The following VTCN1 variants were observed in gnomAD, a reference collection of about 807,000 sequenced individuals.
VTCN1 encodes the protein V-set domain containing T cell activation inhibitor 1.
VTCN1 carries 26 observed loss-of-function variants against 26.5 expected under a neutral mutation model. That is an observed-to-expected ratio of 0.98 (90% CI 0.72 to 1.36). VTCN1 has a LOEUF of 1.36. VTCN1 is among the 40% of genes most tolerant of loss of function. The pLI is 0.00. For missense variants in VTCN1, 298 were observed against 337.7 expected (o/e 0.88, Z 0.92); for synonymous variants, 116 against 130.7 (o/e 0.89, Z 0.77).
intron 4 of VTCN1, among the ~76,000 whole-genome samples, chr1:117,151,447 C>T (rs1342557552): frequency 1.3e-5 from 2 of 152,186 alleles, no homozygotes; most frequent in African/African-American, 4.8e-5. Flanking sequence ...AAACCCTGCA[C>T]ATCACAGACA....
Position 117,167,516 on chromosome 1 carries a change from CT to C in VTCN1, c.97+2590del, listed in dbSNP as rs2101508496. 6.6e-6 allele frequency among the ~76,000 whole-genome samples: 1 copy of C among 152,314 alleles called. No homozygotes were observed. The highest frequency in any genetic ancestry group is 2.1e-4 in the South Asian group (1 of 4,830). On this transcript the variant is annotated intron_variant, in intron 2 of 5. Coordinates refer to ENST00000369458, the MANE Select transcript of VTCN1 (RefSeq NM_024626.4). The surrounding 1 kb of genome is among the most constrained non-coding windows in gnomAD (Gnocchi z 4.1). ...ATTATGTTTTGCATATGAAAATGTA[CT>C]CAGTCTCTGTCACCAGGAAACAGAA... is the stretch of plus-strand genomic sequence containing the variant.
At chr1:117,194,834 C>A (rs1173657285) in intron 1 of VTCN1, among the ~76,000 whole-genome samples, 1 of 152,112 alleles carries the variant, frequency 6.6e-6, no homozygotes, top group African/African-American at 2.4e-5. Context: ...CTCATTGAAG[C>A]AGAGAGATGA....
At chr1:117,203,173 T>C in intron 1 of VTCN1, among the ~76,000 whole-genome samples, 1 of 151,926 alleles carries the variant, frequency 6.6e-6, no homozygotes, top group East Asian at 1.9e-4. Context: ...TGTGAAAAGA[T>C]GAAGGAGTAC....
At chr1:117,172,919 G>A (rs1341331604) in intron 1 of VTCN1, among the ~76,000 whole-genome samples, 1 of 152,178 alleles carries the variant, frequency 6.6e-6, no homozygotes, top group Non-Finnish European at 1.5e-5. Flanking sequence ...GGCCAAATAA[G>A]GGAATAAAAG....
rs138266922 is a variant in VTCN1 at position 117,179,754 on chromosome 1, T to G, written c.33-9583A>C. On this transcript the variant is annotated intron_variant, in intron 1 of 5. Transcript: ENST00000369458. ...TTGTCTGCACATGCCTCCTAAAACC[T>G]TTGTTAATCATATAAGAATGATAGC... 2.0e-5 allele frequency among the ~76,000 whole-genome samples: 3 copies of G among 152,330 alleles called. No homozygotes were observed. In the East Asian group the frequency reaches 5.8e-4, roughly 29 times the overall value.
rs924677643 is a variant in VTCN1, at chr1:117,161,644, A to G, written c.98-4723T>C. On this transcript the variant is annotated intron_variant, in intron 2 of 5. Coordinates refer to ENST00000369458, the MANE Select transcript of VTCN1 (RefSeq NM_024626.4). The surrounding 1 kb of genome is among the most constrained non-coding windows in gnomAD (Gnocchi z 4.3). The stretch of plus-strand genomic sequence containing the variant: ...AGTTTATGAATAAATGAATAAATAA[A>G]TGGAAATCAGTAGAAATCAAAGCAT... Among the ~76,000 whole-genome samples, 6 of 152,242 alleles carry G rather than the reference A, an allele frequency of 3.9e-5. No homozygotes were observed. The highest frequency in any genetic ancestry group is 1.9e-4 in the East Asian group (1 of 5,202).
chr1:117,201,682 A>G (rs115646926), intron 1 of VTCN1, among the ~76,000 whole-genome samples: 2,712 of 152,258 alleles, frequency 0.018, 104 homozygotes, highest in African/African-American at 0.063. Flanking sequence ...CCACTGTGGG[A>G]TGGGGTGAGG....
At chr1:117,194,966 T>A (rs1157893129) in intron 1 of VTCN1, among the ~76,000 whole-genome samples, 1 of 152,106 alleles carries the variant, frequency 6.6e-6, no homozygotes, top group East Asian at 1.9e-4. Context: ...GGCCTGTAGT[T>A]AATAATATTG....
intron 1 of VTCN1, among the ~76,000 whole-genome samples, chr1:117,205,140 ATT>A (rs1205213170): frequency 0.048 from 3,482 of 72,252 alleles, 77 homozygotes; most frequent in Admixed American, 0.053. Flanking sequence ...TCATATATAT[ATT>A]TTTATATATA....
At position 117,144,329 on chromosome 1, in the gene VTCN1, A is replaced by G. The variant is rs1291895695; in HGVS notation, c.*942T>C. ...TGGTAGTAGCACTGTATCCTCCTCC[A>G]CTCCCTCATTGAGGTAACCAAAATT... On this transcript the variant is annotated 3_prime_UTR_variant, in exon 6 of 6. Coordinates refer to ENST00000369458, the MANE Select transcript of VTCN1 (RefSeq NM_024626.4). 1 of 151,950 alleles carries G rather than the reference A, an allele frequency of 6.6e-6. No homozygotes were observed. The highest frequency in any genetic ancestry group is 6.6e-5 in the Admixed American group (1 of 15,218). The allele number at this position is 151,950 out of a possible 1,614,324, so 9.4% of individuals were successfully genotyped here.
chr1:117,196,775 T>G (rs1001026527), intron 1 of VTCN1, among the ~76,000 whole-genome samples: 2 of 152,196 alleles, frequency 1.3e-5, no homozygotes, highest in African/African-American at 4.8e-5. Context: ...AAATTATAGA[T>G]AACTTGTTTT....
intron 1 of VTCN1, chr1:117,172,495 G>A (rs1268029783): frequency 1.9e-6 from 1 of 518,582 alleles, no homozygotes; most frequent in Non-Finnish European, 3.9e-6. Context: ...TGCTGTCTTT[G>A]ACTACTGACA....
intron 4 of VTCN1, among the ~76,000 whole-genome samples, chr1:117,148,928 C>T (rs113680183): frequency 0.021 from 3,188 of 152,188 alleles, 97 homozygotes; most frequent in African/African-American, 0.071. Flanking sequence ...TGCAGGAGCA[C>T]AGCAGAATGT....
At chr1:117,156,450 C>T in intron 3 of VTCN1, 124 bp downstream of exon 3, 1 of 1,091,198 alleles carries the variant, frequency 9.2e-7, no homozygotes, top group Non-Finnish European at 1.3e-6. Context: ...GCAAAAACAG[C>T]TGTTAGCAGA....
intron 1 of VTCN1, among the ~76,000 whole-genome samples, chr1:117,191,067 AC>A (rs1472009512): frequency 6.6e-6 from 1 of 152,224 alleles, no homozygotes; most frequent in Non-Finnish European, 1.5e-5. Flanking sequence ...TAATAAAGAA[AC>A]AAAAACCATA....
Position 117,153,321 on chromosome 1 carries a change from G to T in VTCN1, c.494C>A (p.Thr165Asn). ...CCATCGGGGAGCCTCACACCGCAAG[G>T]TCTCTGAGCTGGCATTATAGTCCAC... ...VNVDYNASSE[T>N]LRCEAPRWFP... is the part of the protein sequence containing the mutation. Residue 165 changes from threonine (T) to asparagine (N), a missense_variant, in exon 4 of 6, where the codon ACC becomes AAC. Physicochemically the swap from Thr to Asn is moderately conservative, Grantham distance 65. Transcript: ENST00000369458. The T allele has an allele frequency of 1.9e-6, 3 of 1,613,942 alleles. No homozygotes were observed. The highest frequency in any genetic ancestry group is 4.5e-5 in the East Asian group (2 of 44,878).
At chr1:117,152,985 T>G in intron 4 of VTCN1, 106 bp downstream of exon 4, 1 of 1,312,254 alleles carries the variant, frequency 7.6e-7, no homozygotes, top group South Asian at 1.5e-5. Flanking sequence ...TGAAGAGGAC[T>G]CTAGAGATTT....
At chr1:117,151,481 C>T (rs926964401) in intron 4 of VTCN1, among the ~76,000 whole-genome samples, 4 of 152,202 alleles carry the variant, frequency 2.6e-5, no homozygotes, top group Non-Finnish European at 4.4e-5. Flanking sequence ...GTTGCTGCTG[C>T]TGGCTCCAGT....
Position 117,175,773 on chromosome 1 carries a change from CTTTT to C in VTCN1, c.33-5606_33-5603del. Among the ~76,000 whole-genome samples the C allele has an allele frequency of 2.6e-5, 1 of 38,304 alleles. No homozygotes were observed. 25.1% of individuals were successfully genotyped at this position (38,304 alleles called of 152,430 possible). A position where few individuals can be genotyped will look rare whatever the true frequency, so the allele number is the denominator to read the frequency against. ...GATACCTATCTCTCTCTCTCTCTCTCTTTTTTTTTTTTTTTGAGATGGAGTTTCA... is the reference window on the plus strand; with the variant it reads ...GATACCTATCTCTCTCTCTCTCTCTCTTTTTTTTTTTGAGATGGAGTTTCA... On this transcript the variant is annotated intron_variant, in intron 1 of 5. Coordinates refer to ENST00000369458, the MANE Select transcript of VTCN1 (RefSeq NM_024626.4). This position sits in a 1 kb window ranked among gnomAD's most constrained non-coding sequence, Gnocchi z 4.2.
Sources: gnomAD v4.1 joint callset for allele counts (sites outside exome capture counted in the v4.1 genomes callset) on GRCh38, gnomAD v4.1.1 for gene constraint, Gnocchi (gnomAD v3.1) non-coding constraint, MANE v1.5 for transcripts, NCBI Gene and HGNC (gene_info 2026-07-23, HGNC 2026-07-21) for gene names.